SMYD3: variants seen among roughly 807,000 people sequenced by gnomAD.
SMYD3 encodes the protein SET and MYND domain containing 3.
Under a neutral mutation model 57.7 loss-of-function variants are expected in SMYD3, and 36 were observed. The observed-to-expected ratio is 0.62, with a 90% CI of 0.48 to 0.82. The LOEUF (loss-of-function observed/expected upper bound fraction) is 0.82, where lower values mean the gene tolerates loss of function less well. Ranked by LOEUF, SMYD3 falls within the 40% of genes least tolerant of loss-of-function variation. The pLI is 0.00. For missense variants in SMYD3, 515 were observed against 538.8 expected, an observed-to-expected ratio of 0.96 and a Z score of 0.44; for synonymous variants, 211 against 195.0, an observed-to-expected ratio of 1.08 and a Z score of -0.68.
rs74599034 is a variant in SMYD3, at chr1:246,146,537, T to G, written c.531+180664A>C. On this transcript the variant is annotated intron_variant, in intron 5 of 11. Coordinates refer to ENST00000490107, the MANE Select transcript of SMYD3 (RefSeq NM_001167740.2). Reference sequence around the variant, plus strand: ...GAGGAGACAGTAAACACAATTGGCTTTCTCAGAATGGAGGGTATGCAGACC... The same window carrying G: ...GAGGAGACAGTAAACACAATTGGCTGTCTCAGAATGGAGGGTATGCAGACC... 6.4e-4 allele frequency among the ~76,000 whole-genome samples: 97 copies of G among 152,286 alleles called. 1 individual carries two copies. Among genetic ancestry groups the G allele is most frequent in the African/African-American group, 2.3e-3 (95 of 41,568 alleles).
intron 10 of SMYD3, among the ~76,000 whole-genome samples, chr1:245,809,316 G>A (rs745401310): frequency 7.2e-5 from 11 of 152,266 alleles, no homozygotes; most frequent in Non-Finnish European, 1.6e-4. Context: ...CCAACCCTCT[G>A]TATGAAACCT....
At chr1:245,798,236 CT>C (rs1229227323) in intron 10 of SMYD3, among the ~76,000 whole-genome samples, 1 of 151,864 alleles carries the variant, frequency 6.6e-6, no homozygotes, top group Non-Finnish European at 1.5e-5. Context: ...CCAGTAGTGC[CT>C]GTGTCGAGCT....
At chr1:246,499,610 C>T (rs1189007079) in intron 1 of SMYD3, among the ~76,000 whole-genome samples, 3 of 151,814 alleles carry the variant, frequency 2.0e-5, no homozygotes, top group Non-Finnish European at 4.4e-5. Flanking sequence ...CATGCACCAC[C>T]ACATCTGGCT....
chr1:246,379,777 A>C (rs1056755526), intron 1 of SMYD3, among the ~76,000 whole-genome samples: 1 of 152,214 alleles, frequency 6.6e-6, no homozygotes, highest in Non-Finnish European at 1.5e-5. Flanking sequence ...AGGCGGATGG[A>C]TCACTTAAGG....
chr1:246,359,526 G>C (rs1272687746), intron 1 of SMYD3, among the ~76,000 whole-genome samples: 1 of 152,058 alleles, frequency 6.6e-6, no homozygotes, highest in African/African-American at 2.4e-5. Context: ...TAAAACTACA[G>C]ACCAATATTC....
rs59018021 is a variant in SMYD3, at chr1:245,791,952, T to TTGTGTGTGTGTGTGTG, written c.1077-27819_1077-27804dup. ...TGTTTTAAACATTCTAATTTTAAAC[T>TTGTGTGTGTGTGTGTG]TGTGTGTGTGTGTGTGTGTGTGTGT... On this transcript the variant is annotated intron_variant, in intron 10 of 11. Transcript: ENST00000490107. 1.8e-3 allele frequency among the ~76,000 whole-genome samples: 266 copies of TTGTGTGTGTGTGTGTG among 146,232 alleles called. 1 individual carries two copies. Among genetic ancestry groups the TTGTGTGTGTGTGTGTG allele is most frequent in the East Asian group, 3.5e-3 (17 of 4,804 alleles).
At chr1:246,342,856 A>G (rs558814971) in intron 2 of SMYD3, among the ~76,000 whole-genome samples, 1 of 152,242 alleles carries the variant, frequency 6.6e-6, no homozygotes, top group Non-Finnish European at 1.5e-5. Flanking sequence ...ATGAGACAAT[A>G]ATAACAACAG....
At chr1:245,801,927 A>G (rs1304778352) in intron 10 of SMYD3, among the ~76,000 whole-genome samples, 1 of 151,352 alleles carries the variant, frequency 6.6e-6, no homozygotes, top group South Asian at 2.1e-4. Context: ...AAAAAAAAAA[A>G]CCTTTGAGTA....
At chr1:245,959,593 A>C (rs184439885) in intron 5 of SMYD3, among the ~76,000 whole-genome samples, 18 of 152,304 alleles carry the variant, frequency 1.2e-4, no homozygotes, top group Non-Finnish European at 1.0e-4. Flanking sequence ...TTCCAGTGCT[A>C]AGAGAATTGC....
At position 245,800,902 on chromosome 1, in the gene SMYD3, C is replaced by T. The variant is rs371366361; in HGVS notation, c.1077-36753G>A. Among the ~76,000 whole-genome samples the T allele has an allele frequency of 3.2e-4, 49 of 152,246 alleles. 1 individual carries two copies. In the South Asian group the frequency reaches 1.0e-2, roughly 31 times the overall value. On this transcript the variant is annotated intron_variant, in intron 10 of 11. Coordinates refer to ENST00000490107, the MANE Select transcript of SMYD3 (RefSeq NM_001167740.2). ...AAAGAAACAGAAACTAATAGCAGGG[C>T]ATACTCATGGTTAGTTGGACATAAT...
chr1:246,000,274 G>A (rs913489941), intron 5 of SMYD3, among the ~76,000 whole-genome samples: 18 of 152,140 alleles, frequency 1.2e-4, no homozygotes, highest in African/African-American at 3.9e-4. Flanking sequence ...GATGACACAT[G>A]GCAGGGCACC....
chr1:246,197,035 C>T (rs1247726882), intron 5 of SMYD3, among the ~76,000 whole-genome samples: 3 of 150,684 alleles, frequency 2.0e-5, no homozygotes, highest in Non-Finnish European at 3.0e-5. Flanking sequence ...ATATGTCAAA[C>T]GGACACAGAA....
At chr1:246,259,363 T>G (rs966998198) in intron 5 of SMYD3, among the ~76,000 whole-genome samples, 1 of 152,232 alleles carries the variant, frequency 6.6e-6, no homozygotes, top group Non-Finnish European at 1.5e-5. Context: ...ATTATTTTCA[T>G]GTAGGTAGGA....
chr1:246,453,339 G>A (rs2067658049), intron 1 of SMYD3, among the ~76,000 whole-genome samples: 1 of 152,138 alleles, frequency 6.6e-6, no homozygotes, highest in African/African-American at 2.4e-5. Context: ...TGACACATTT[G>A]CAAAATTCAA....
chr1:246,490,421 C>T lies in SMYD3; in HGVS notation c.164+16633G>A, dbSNP rs150504320. Among the ~76,000 whole-genome samples, 308 of 152,258 alleles carry T rather than the reference C, an allele frequency of 2.0e-3. 3 individuals are homozygous for T. The highest frequency in any genetic ancestry group is 7.1e-3 in the African/African-American group (296 of 41,542). ...AGTCACTGAGACATTTATTGAACAT[C>T]CTTGTGTACTTAGCAATGAACTAGG... On this transcript the variant is annotated intron_variant, in intron 1 of 11. Coordinates refer to ENST00000490107, the MANE Select transcript of SMYD3 (RefSeq NM_001167740.2).
rs1553332091 is a variant in SMYD3 at position 245,816,517 on chromosome 1, T to TAACAA, written c.1076+41978_1076+41979insTTGTT. The stretch of plus-strand genomic sequence containing the variant: ...TTATGAGAGGTCCCCTTCATCTATG[T>TAACAA]AAAAAAAAAAAAAAAAAAAAAAGAG... On this transcript the variant is annotated intron_variant, in intron 10 of 11. Coordinates refer to ENST00000490107, the MANE Select transcript of SMYD3 (RefSeq NM_001167740.2). Among the ~76,000 whole-genome samples, 13 of 100,228 alleles carry TAACAA rather than the reference T, an allele frequency of 1.3e-4. 1 individual carries two copies. The highest frequency in any genetic ancestry group is 6.9e-3 in the Middle Eastern group (1 of 144). The allele number at this position is 100,228 out of a possible 152,430, so 65.8% of individuals were successfully genotyped here.
chr1:246,231,428 T>C (rs553708368), intron 5 of SMYD3, among the ~76,000 whole-genome samples: 1 of 152,174 alleles, frequency 6.6e-6, no homozygotes, highest in African/African-American at 2.4e-5. Context: ...CATAAAAGCA[T>C]GTAATATAAC....
intron 1 of SMYD3, among the ~76,000 whole-genome samples, chr1:246,418,953 G>A (rs1360803777): frequency 6.6e-6 from 1 of 152,140 alleles, no homozygotes; most frequent in African/African-American, 2.4e-5. Flanking sequence ...CTTAACCGAT[G>A]ACATTGCACC....
intron 5 of SMYD3, among the ~76,000 whole-genome samples, chr1:245,938,026 A>C (rs1450076689): frequency 6.6e-6 from 1 of 152,256 alleles, no homozygotes; most frequent in Non-Finnish European, 1.5e-5. Flanking sequence ...GTGAAAGGTA[A>C]GACTGCACAC....
Sources: allele counts gnomAD v4.1 joint callset (sites outside exome capture counted in the v4.1 genomes callset), GRCh38; gene constraint gnomAD v4.1.1; transcripts MANE v1.5; gene names NCBI Gene and HGNC (gene_info 2026-07-23, HGNC 2026-07-21).